SUV39H1: variants seen among roughly 807,000 people sequenced by gnomAD.
The protein encoded by SUV39H1 is SUV39H1 histone lysine methyltransferase.
For synonymous variants in SUV39H1, 141 were observed against 150.5 expected (o/e 0.94, Z 0.46); for missense variants, 180 against 386.3 (o/e 0.47, Z 4.48).
rs781831575 is a variant in SUV39H1 at position 48,700,425 on chromosome X, G to A, written c.500G>A (p.Arg167His). The change falls in exon 3 of 6, where the codon CGT becomes CAT. Residue 167 changes from arginine (R) to histidine (H), a missense_variant. Physicochemically the swap from Arg to His is conservative, Grantham distance 29. Coordinates refer to ENST00000376687, the MANE Select transcript of SUV39H1 (RefSeq NM_003173.4). ...GCCTTCGTGTACATCAATGAGTACC[G>A]TGTTGGTGAGGGCATCACCCTCAAC... ...PRAFVYINEYRVGEGITLNQV... is the reference protein window; with the variant it reads ...PRAFVYINEYHVGEGITLNQV... 13 of 1,210,904 alleles carry A rather than the reference G, an allele frequency of 1.1e-5. No individual in the cohort carries two copies. Among genetic ancestry groups the A allele is most frequent in the African/African-American group, 3.5e-5 (2 of 57,444 alleles).
Position 48,706,268 on chromosome X carries a change from A to G in SUV39H1, c.832A>G (p.Ile278Val). The change falls in exon 4 of 6, where the codon ATT (isoleucine) becomes GTT (valine). Residue 278 changes from isoleucine (I) to valine (V), a missense_variant. Coordinates refer to ENST00000376687, the MANE Select transcript of SUV39H1 (RefSeq NM_003173.4). ...SFVMEYVGEIITSEEAERRGQ... is the reference protein window; with the variant it reads ...SFVMEYVGEIVTSEEAERRGQ... Reference sequence around the variant, plus strand: ...TTACCCATGGCCCTTTCCCTAGATCATTACCTCAGAGGAGGCAGAGCGGCG... The same window carrying G: ...TTACCCATGGCCCTTTCCCTAGATCGTTACCTCAGAGGAGGCAGAGCGGCG... The G allele has an allele frequency of 8.3e-7, 1 of 1,209,993 alleles. No homozygotes were observed. Among genetic ancestry groups the G allele is most frequent in the Non-Finnish European group, 1.1e-6 (1 of 894,691 alleles).
chrX:48,697,328 G>A (rs1335307607), intron 1 of SUV39H1, among the ~76,000 whole-genome samples: 1 of 111,810 alleles, frequency 8.9e-6, no homozygotes, highest in Non-Finnish European at 1.9e-5. Context: ...TAATAGGACA[G>A]CTGGACTCCC....
chrX:48,702,729 G>A (rs1370938368), intron 3 of SUV39H1, among the ~76,000 whole-genome samples: 4 of 110,780 alleles, frequency 3.6e-5, no homozygotes, highest in African/African-American at 9.9e-5. Flanking sequence ...CTCTTCCTTA[G>A]TGTCAGTGTC....
intron 5 of SUV39H1, 38 bp from the exon 6 acceptor site, chrX:48,707,399 C>T (rs782466243): frequency 3.2e-5 from 38 of 1,192,976 alleles, no homozygotes; most frequent in Non-Finnish European, 4.1e-5. Context: ...CCCTCCCTGC[C>T]TCCTTCCCTC....
chrX:48,706,252 G>T lies in SUV39H1; in HGVS notation c.829-13G>T. On this transcript the variant is annotated splice_polypyrimidine_tract_variant and intron_variant, in intron 3 of 5. Transcript: ENST00000376687. ...CGCGGCCAATCTCCCCTTACCCATG[G>T]CCCTTTCCCTAGATCATTACCTCAG... The T allele has an allele frequency of 8.3e-7, 1 of 1,206,402 alleles. No individual in the cohort carries two copies.
chrX:48,697,318 T>A (rs1214784721), intron 1 of SUV39H1, among the ~76,000 whole-genome samples: 1 of 111,570 alleles, frequency 9.0e-6, no homozygotes, highest in African/African-American at 3.3e-5. Context: ...GGGGCCTTCC[T>A]AATAGGACAG....
chrX:48,701,278 T>C (rs185318225), intron 3 of SUV39H1, among the ~76,000 whole-genome samples: 138 of 112,248 alleles, frequency 1.2e-3, no homozygotes, highest in African/African-American at 4.4e-3. Flanking sequence ...AGGCCGAGTG[T>C]ATTAGGCAAG....
chrX:48,707,405 CCCT>C, intron 5 of SUV39H1, 29 bp from the exon 6 acceptor site: 1 of 1,008,105 alleles, frequency 9.9e-7, no homozygotes, highest in African/African-American at 1.9e-5. Flanking sequence ...CTGCCTCCTT[CCCT>C]CCTCTCCTCC....
intron 3 of SUV39H1, 138 bp from the exon 4 acceptor site, chrX:48,706,127 C>CA (rs781881897): frequency 7.2e-5 from 62 of 855,845 alleles, no homozygotes; most frequent in Non-Finnish European, 9.3e-5. Flanking sequence ...GAAGGGCCGA[C>CA]AGACTCTCTG....
chrX:48,700,786 C>G, intron 3 of SUV39H1, 33 bp downstream of exon 3: 1 of 1,190,579 alleles, frequency 8.4e-7, no homozygotes, highest in Non-Finnish European at 1.1e-6. Context: ...GTGTGTGCAG[C>G]TCTTCCCACC....
chrX:48,705,384 CTGGTCAGCTACGCT>C (rs1557009964), intron 3 of SUV39H1: 1 of 113,634 alleles, frequency 8.8e-6, no homozygotes, highest in African/African-American at 3.2e-5. Flanking sequence ...AGGGAAGGGC[CTGGTCAGCTACGCT>C]TGGGGATTGG....
chrX:48,699,362 T>C (rs1308053105), intron 2 of SUV39H1, among the ~76,000 whole-genome samples: 7 of 111,262 alleles, frequency 6.3e-5, no homozygotes, highest in Non-Finnish European at 1.3e-4. Context: ...GCACTTTCAG[T>C]GTGCCAGGCG....
At chrX:48,696,732 G>A (rs2062456830), upstream of SUV39H1, 1 of 1,128,438 alleles carries the variant, frequency 8.9e-7, no homozygotes, top group Non-Finnish European at 1.2e-6. Context: ...GCCCGCGCGA[G>A]CGCTCTTCTC....
Position 48,708,012 on chromosome X carries a change from GGCCAGAGT to G in SUV39H1, c.*446_*453del, listed in dbSNP as rs782343908. ...AACCCCAGAGCAGGCAGACATCAGA[GGCCAGAGT>G]GCCTAGCCCGACATGAAGCTGGTTC... On this transcript the variant is annotated 3_prime_UTR_variant, in exon 6 of 6. Transcript: ENST00000376687. 571 of 238,764 alleles carry G rather than the reference GGCCAGAGT, an allele frequency of 2.4e-3. No homozygotes were observed. Among genetic ancestry groups the G allele is most frequent in the Non-Finnish European group, 4.1e-3 (522 of 127,954 alleles). The allele number at this position is 238,764 out of a possible 1,213,427, so 19.7% of individuals were successfully genotyped here.
upstream of SUV39H1, chrX:48,696,452 G>A (rs1337859663): frequency 4.4e-6 from 1 of 227,549 alleles, no homozygotes; most frequent in Non-Finnish European, 7.9e-6. Context: ...TGACAGGACT[G>A]AGGAACCACT....
chrX:48,700,911 C>T (rs2062473055), intron 3 of SUV39H1, 158 bp downstream of exon 3: 7 of 654,199 alleles, frequency 1.1e-5, no homozygotes, highest in Non-Finnish European at 1.4e-5. Flanking sequence ...TGGGCAGGGG[C>T]TAGTATTCCA....
intron 5 of SUV39H1, among the ~76,000 whole-genome samples, chrX:48,707,187 GC>G (rs1466590463): frequency 9.4e-6 from 1 of 106,165 alleles, no homozygotes; most frequent in Non-Finnish European, 1.9e-5. Flanking sequence ...TCAACCCCTG[GC>G]CTGAACAACC....
At chrX:48,695,927 C>T, upstream of SUV39H1, 1 of 1,140,563 alleles carries the variant, frequency 8.8e-7, no homozygotes, top group Non-Finnish European at 1.2e-6. Flanking sequence ...CTTTGAGGGC[C>T]TAGCTGGATG....
chrX:48,708,186 G>C lies in SUV39H1; in HGVS notation c.*616G>C, dbSNP rs1557010479. The C allele has an allele frequency of 7.1e-6, 1 of 140,044 alleles. No homozygotes were observed. The highest frequency in any genetic ancestry group is 3.2e-5 in the African/African-American group (1 of 31,521). 11.5% of individuals were successfully genotyped at this position (140,044 alleles called of 1,213,427 possible). On this transcript the variant is annotated 3_prime_UTR_variant, in exon 6 of 6. Coordinates refer to ENST00000376687, the MANE Select transcript of SUV39H1 (RefSeq NM_003173.4). ...GTCTCTTCTTCAGGGCTGCATATCT[G>C]AGAAGTGGATGCCCACATGCCACTG...
Sources: allele counts gnomAD v4.1 joint callset (sites outside exome capture counted in the v4.1 genomes callset), GRCh38; gene constraint gnomAD v4.1.1; transcripts MANE v1.5; gene names NCBI Gene and HGNC (gene_info 2026-07-23, HGNC 2026-07-21).